PRSS22: variants seen among roughly 807,000 people sequenced by gnomAD.
PRSS22 encodes brain-specific serine protease 4.
Under a neutral mutation model 28.0 loss-of-function variants are expected in PRSS22, and 26 were observed. That is an observed-to-expected ratio of 0.93 (90% CI 0.68 to 1.29). PRSS22 has a LOEUF of 1.29. PRSS22 is among the 50% of genes most tolerant of loss of function. The pLI, the probability that PRSS22 is intolerant of heterozygous loss-of-function variation, is 0.00. For synonymous variants in PRSS22, 217 were observed against 177.9 expected (o/e 1.22, Z -1.75); for missense variants, 444 against 422.1 (o/e 1.05, Z -0.46).
intron 3 of PRSS22, 27 bp downstream of exon 3, chr16:2,856,055 C>G: frequency 6.2e-7 from 1 of 1,608,456 alleles, no homozygotes; most frequent in East Asian, 2.2e-5. Flanking sequence ...CTTAGAAGAT[C>G]AAGTGCCCCA....
rs762771579 is a variant in PRSS22, at chr16:2,856,059, T to C, written c.281+23A>G. The C allele has an allele frequency of 1.9e-6, 3 of 1,609,026 alleles. No homozygotes were observed. The South Asian group carries it at 3.3e-5, about 18-fold the overall frequency. On this transcript the variant is annotated intron_variant, in intron 3 of 5. Transcript: ENST00000161006. ...AAGCCCAGGGCCTTAGAAGATCAAG[T>C]GCCCCAGGCCGGCTGTACATACTCC...
chr16:2,855,370 A>AGAG (rs1256666761), intron 4 of PRSS22, among the ~76,000 whole-genome samples: 1 of 147,608 alleles, frequency 6.8e-6, no homozygotes, highest in Non-Finnish European at 1.5e-5. Context: ...AAAAAAAAGA[A>AGAG]GAAGAAGAAA....
chr16:2,855,152 A>G (rs2069442270), intron 4 of PRSS22, among the ~76,000 whole-genome samples: 1 of 152,056 alleles, frequency 6.6e-6, no homozygotes, highest in South Asian at 2.1e-4. Flanking sequence ...GTTCAAGACC[A>G]GCCCAGCCAA....
rs1406240022 is a variant in PRSS22 at position 2,852,907 on chromosome 16, C to A, written c.*186G>T. 1 of 517,096 alleles carries A rather than the reference C, an allele frequency of 1.9e-6. No individual in the cohort carries two copies. The highest frequency in any genetic ancestry group is 2.3e-5 in the South Asian group (1 of 44,320). The allele number at this position is 517,096 out of a possible 1,614,324, so 32.0% of individuals were successfully genotyped here. The stretch of plus-strand genomic sequence containing the variant: ...TGGGCGGGGCCTGATGCCTTGGAGG[C>A]GGGGCCTGAGGCCGTCGGGCGGGTC... On this transcript the variant is annotated 3_prime_UTR_variant, in exon 6 of 6. Transcript: ENST00000161006.
rs33950878 is a variant in PRSS22 at position 2,855,347 on chromosome 16, C to CAAAA, written c.559+223_559+226dup. 1.6e-4 allele frequency among the ~76,000 whole-genome samples: 11 copies of CAAAA among 69,016 alleles called. 1 individual carries two copies. Among genetic ancestry groups the CAAAA allele is most frequent in the African/African-American group, 3.8e-4 (6 of 15,838 alleles). The allele number at this position is 69,016 out of a possible 152,430, so 45.3% of individuals were successfully genotyped here. A position where few individuals can be genotyped will look rare whatever the true frequency, so the allele number is the denominator to read the frequency against. On this transcript the variant is annotated intron_variant, in intron 4 of 5. Coordinates refer to ENST00000161006, the MANE Select transcript of PRSS22 (RefSeq NM_022119.4). ...TGGGTGACAGAGTAACACCCTGTCT[C>CAAAA]AAAAAAAAAAAAAAAAAAAAGAAGA...
rs528883332 is a variant in PRSS22 at position 2,857,573 on chromosome 16, C to T, written c.82+450G>A. Reference sequence around the variant, plus strand: ...GCTGCACAGCTGTGACCCTGCCCTCCCGCAGCTTCCCGTCCAGCCTGCCTT... The same window carrying T: ...GCTGCACAGCTGTGACCCTGCCCTCTCGCAGCTTCCCGTCCAGCCTGCCTT... On this transcript the variant is annotated intron_variant, in intron 1 of 5. Transcript: ENST00000161006. The T allele has an allele frequency of 1.3e-4, 21 of 163,378 alleles. 1 individual carries two copies. The highest frequency in any genetic ancestry group is 9.9e-4 in the South Asian group (6 of 6,068). 10.1% of individuals were successfully genotyped at this position (163,378 alleles called of 1,614,324 possible).
intron 1 of PRSS22, 171 bp from the exon 2 acceptor site, chr16:2,857,019 T>C (rs2069464515): frequency 2.8e-6 from 2 of 719,994 alleles, no homozygotes; most frequent in Non-Finnish European, 4.7e-6. Flanking sequence ...CAGCGCCCAG[T>C]GAGGAGGGGT....
Position 2,852,961 on chromosome 16 carries a change from C to T in PRSS22, c.*132G>A. ...GAGGGGGTTTCCTTTCCGCAGCAGC[C>T]GTCCGGGCCCCCAGAGGTAGAGGTA... On this transcript the variant is annotated 3_prime_UTR_variant, in exon 6 of 6. Coordinates refer to ENST00000161006, the MANE Select transcript of PRSS22 (RefSeq NM_022119.4). 1.7e-6 allele frequency: 1 copy of T among 604,094 alleles called. No individual in the cohort carries two copies. 37.4% of individuals were successfully genotyped at this position (604,094 alleles called of 1,614,324 possible). A position where few individuals can be genotyped will look rare whatever the true frequency, so the allele number is the denominator to read the frequency against.
At position 2,855,712 on chromosome 16, in the gene PRSS22, C is replaced by T. The variant is rs758552545; in HGVS notation, c.421G>A (p.Asp141Asn). ...VYSWKEGACADIALVRLERSI... is the reference protein window; with the variant it reads ...VYSWKEGACANIALVRLERSI... ...CGCTCGAGACGCACCAGGGCAATGT[C>T]TGCACAGGCACCTTCCTTCCAGGAA... Residue 141 changes from aspartate to asparagine, a missense_variant, in exon 4 of 6, where the codon GAC (aspartate) becomes AAC (asparagine). Asp to Asn is a conservative substitution (Grantham distance 23). Transcript: ENST00000161006. 189 of 1,614,130 alleles carry T rather than the reference C, an allele frequency of 1.2e-4. 2 individuals are homozygous for T. The South Asian group carries it at 1.6e-3, about 14-fold the overall frequency.
At chr16:2,856,884 G>C (rs746018439) in intron 1 of PRSS22, 36 bp from the exon 2 acceptor site, 2 of 1,550,782 alleles carry the variant, frequency 1.3e-6, no homozygotes, top group Non-Finnish European at 1.7e-6. Context: ...AGGCCGGTGA[G>C]GGGCCCCAGG....
At chr16:2,856,058 G>C in intron 3 of PRSS22, 24 bp downstream of exon 3, 1 of 1,609,130 alleles carries the variant, frequency 6.2e-7, no homozygotes, top group Non-Finnish European at 8.5e-7. Flanking sequence ...AGAAGATCAA[G>C]TGCCCCAGGC....
rs1297606972 is a variant in PRSS22, at chr16:2,855,823, C to G, written c.310G>C (p.Val104Leu). ...CCCAGCTGCCAGGCCCCCAGCAGCACAGAGAACAGGTATGGTTTGTTCAGG... is the reference window on the plus strand; with the variant it reads ...CCCAGCTGCCAGGCCCCCAGCAGCAGAGAGAACAGGTATGGTTTGTTCAGG... Reference protein sequence around the residue: ...DNLNKPYLFSVLLGAWQLGNP... With the variant: ...DNLNKPYLFSLLLGAWQLGNP... The change falls in exon 4 of 6, where the codon GTG (valine) becomes CTG (leucine). Residue 104 changes from valine to leucine, a missense_variant. Val to Leu is a conservative substitution (Grantham distance 32). Coordinates refer to ENST00000161006, the MANE Select transcript of PRSS22 (RefSeq NM_022119.4). 1 of 1,613,212 alleles carries G rather than the reference C, an allele frequency of 6.2e-7. No individual in the cohort carries two copies.
At chr16:2,855,954 T>C in intron 3 of PRSS22, 103 bp from the exon 4 acceptor site, 4 of 1,509,422 alleles carry the variant, frequency 2.7e-6, no homozygotes, top group South Asian at 1.3e-5. Context: ...GAGAGGCTTC[T>C]AGGTAGAATC....
In PRSS22 at chr16:2,852,941, G is replaced by T; in HGVS notation, c.*152C>A. On this transcript the variant is annotated 3_prime_UTR_variant, in exon 6 of 6. Transcript: ENST00000161006. ...AGGCCGTCGGGCGGGTCGGGGAGGG[G>T]GTTTCCTTTCCGCAGCAGCCGTCCG... The T allele has an allele frequency of 3.2e-6, 2 of 621,118 alleles. No individual in the cohort carries two copies. Among genetic ancestry groups the T allele is most frequent in the South Asian group, 4.1e-5 (2 of 48,572 alleles). The allele number at this position is 621,118 out of a possible 1,614,324, so 38.5% of individuals were successfully genotyped here. A position where few individuals can be genotyped will look rare whatever the true frequency, so the allele number is the denominator to read the frequency against.
In PRSS22 at chr16:2,853,330, C is replaced by G. The variant is rs2069424698; in HGVS notation, c.718-1G>C. 1 of 1,594,116 alleles carries G rather than the reference C, an allele frequency of 6.3e-7. No homozygotes were observed. Among genetic ancestry groups the G allele is most frequent in the East Asian group, 2.2e-5 (1 of 44,764 alleles). On this transcript the variant is annotated splice_acceptor_variant, in intron 5 of 5. Transcript: ENST00000161006. LOFTEE classifies it high-confidence loss of function. The surrounding 1 kb of genome is among the most constrained non-coding windows in gnomAD (Gnocchi z 4.6). Reference sequence around the variant, plus strand: ...ACATGAGGGGGCCCCCGGAGTCGCCCTGCAGAGAGGAGGCGAGGTTAGGAA... The same window carrying G: ...ACATGAGGGGGCCCCCGGAGTCGCCGTGCAGAGAGGAGGCGAGGTTAGGAA...
rs1024568532 is a variant in PRSS22, at chr16:2,853,846, G to A, written c.717+19C>T. ...CCGAGGCCCTCCTGGCCAGGGGTGG[G>A]GGGCTCGAGGGAGCTCACCAGACAA... On this transcript the variant is annotated intron_variant, in intron 5 of 5. Transcript: ENST00000161006. The surrounding 1 kb of genome is among the most constrained non-coding windows in gnomAD (Gnocchi z 4.6). 3 of 1,612,762 alleles carry A rather than the reference G, an allele frequency of 1.9e-6. No individual in the cohort carries two copies. The highest frequency in any genetic ancestry group is 2.5e-6 in the Non-Finnish European group (3 of 1,179,764).
intron 4 of PRSS22, among the ~76,000 whole-genome samples, chr16:2,855,090 G>A (rs1487370783): frequency 2.0e-5 from 3 of 152,066 alleles, no homozygotes; most frequent in Non-Finnish European, 4.4e-5. Context: ...GCTCACACCT[G>A]TAATCCCGGC....
chr16:2,853,021 G>T lies in PRSS22; in HGVS notation c.*72C>A. 2 of 1,070,378 alleles carry T rather than the reference G, an allele frequency of 1.9e-6. No individual in the cohort carries two copies. Among genetic ancestry groups the T allele is most frequent in the Non-Finnish European group, 2.6e-6 (2 of 770,512 alleles). The allele number at this position is 1,070,378 out of a possible 1,614,324, so 66.3% of individuals were successfully genotyped here. ...ATTTACGGCGGGGGAAACCGCCCGA[G>T]GCCGCCGCAGATCCAGATCCAGATG... On this transcript the variant is annotated 3_prime_UTR_variant, in exon 6 of 6. Coordinates refer to ENST00000161006, the MANE Select transcript of PRSS22 (RefSeq NM_022119.4). This position sits in a 1 kb window ranked among gnomAD's most constrained non-coding sequence, Gnocchi z 4.6.
At chr16:2,855,333 G>A (rs1213231332) in intron 4 of PRSS22, among the ~76,000 whole-genome samples, 2 of 99,030 alleles carry the variant, frequency 2.0e-5, no homozygotes, top group Admixed American at 1.4e-4. Flanking sequence ...GGGTGACAGA[G>A]TAACACCCTG....
Sources: gnomAD v4.1 joint callset for allele counts (sites outside exome capture counted in the v4.1 genomes callset) on GRCh38, gnomAD v4.1.1 for gene constraint, Gnocchi (gnomAD v3.1) non-coding constraint, MANE v1.5 for transcripts, NCBI Gene and HGNC (gene_info 2026-07-23, HGNC 2026-07-21) for gene names.